Variants in SEMA6B observed in about 807,000 individuals in gnomAD.
The protein encoded by SEMA6B is semaphorin 6B, also known as semaphorin-6B.
A neutral mutation model predicts 78.6 loss-of-function variants in SEMA6B; 47 were observed. The observed-to-expected ratio is 0.60, with a 90% CI of 0.47 to 0.76. The LOEUF is 0.76. Ranked by LOEUF, SEMA6B falls within the 30% of genes least tolerant of loss-of-function variation. The pLI is 0.00. For missense variants in SEMA6B, 1,213 were observed against 1,269.9 expected (o/e 0.96, Z 0.68); for synonymous variants, 632 against 592.2 (o/e 1.07, Z -0.98).
chr19:4,544,639 A>T lies in SEMA6B; in HGVS notation c.1739-110T>A, dbSNP rs536586079. 1.7e-3 allele frequency: 1,001 copies of T among 590,108 alleles called. 5 individuals are homozygous for T. The highest frequency in any genetic ancestry group is 0.014 in the Middle Eastern group (27 of 1,924). 36.6% of individuals were successfully genotyped at this position (590,108 alleles called of 1,614,324 possible). A position where few individuals can be genotyped will look rare whatever the true frequency, so the allele number is the denominator to read the frequency against. On this transcript the variant is annotated intron_variant, in intron 16 of 16. Coordinates refer to ENST00000586582, the MANE Select transcript of SEMA6B (RefSeq NM_032108.4). This position sits in a 1 kb window ranked among gnomAD's most constrained non-coding sequence, Gnocchi z 5.1. Reference sequence around the variant, plus strand: ...TTTTTTATTATTTTTATTTTTTTTTATTTATTTATTTTTTGAGAAGGAGTC... The same window carrying T: ...TTTTTTATTATTTTTATTTTTTTTTTTTTATTTATTTTTTGAGAAGGAGTC...
rs775281392 is a variant in SEMA6B, at chr19:4,550,286, G to C, written c.1122-14C>G. The stretch of plus-strand genomic sequence containing the variant: ...CAGCACCCGGGCCTGGGGGTGACAA[G>C]GGTGTGGTCAGGACGAACGTAAAGG... On this transcript the variant is annotated splice_polypyrimidine_tract_variant and intron_variant, in intron 11 of 16. Coordinates refer to ENST00000586582, the MANE Select transcript of SEMA6B (RefSeq NM_032108.4). The surrounding 1 kb of genome is among the most constrained non-coding windows in gnomAD (Gnocchi z 6.6). 2.5e-6 allele frequency: 4 copies of C among 1,613,500 alleles called. No individual in the cohort carries two copies. The highest frequency in any genetic ancestry group is 3.4e-6 in the Non-Finnish European group (4 of 1,179,944).
intron 14 of SEMA6B, 100 bp from the exon 15 acceptor site, chr19:4,546,569 TTTA>T (rs956094794): frequency 4.2e-6 from 2 of 475,164 alleles, no homozygotes; most frequent in Non-Finnish European, 6.6e-6. Flanking sequence ...CACCTGCCTC[TTTA>T]TTTTTATTTT....
chr19:4,542,933 C>CAA lies in SEMA6B; in HGVS notation c.*667_*668insTT. 1 of 700,928 alleles carries CAA rather than the reference C, an allele frequency of 1.4e-6. No homozygotes were observed. The highest frequency in any genetic ancestry group is 2.0e-5 in the Admixed American group (1 of 49,990). The allele number at this position is 700,928 out of a possible 1,614,324, so 43.4% of individuals were successfully genotyped here. On this transcript the variant is annotated 3_prime_UTR_variant, in exon 17 of 17. Coordinates refer to ENST00000586582, the MANE Select transcript of SEMA6B (RefSeq NM_032108.4). ...GGGGGTTCAAACTCCTAACCGGCAC[C>CAA]TCGGAGACCCCCGGGCCTTCTGGAA...
chr19:4,550,800 G>A lies in SEMA6B; in HGVS notation c.1120C>T (p.Arg374Trp), dbSNP rs149379013. 1,966 of 1,613,138 alleles carry A rather than the reference G, an allele frequency of 1.2e-3. 3 individuals carry two copies. The highest frequency in any genetic ancestry group is 1.5e-3 in the Non-Finnish European group (1,804 of 1,179,974). The change falls in exon 11 of 17, where the codon CGG becomes TGG. Residue 374 changes from arginine to tryptophan, a missense_variant and splice_region_variant. Coordinates refer to ENST00000586582, the MANE Select transcript of SEMA6B (RefSeq NM_032108.4). This position sits in a 1 kb window ranked among gnomAD's most constrained non-coding sequence, Gnocchi z 6.6. ...PVPEDQVPRP[R>W]PGCCAAPGMQ... ...ACTCAGGATGGAGGGGGTTCTCACC[G>A]GGGTCGAGGCACCTGATCCTCCGGC... is the stretch of plus-strand genomic sequence containing the variant.
rs1375574783 is a variant in SEMA6B, at chr19:4,544,395, G to A, written c.1873C>T (p.Arg625Cys). ...GFSVGWFVGL[R>C]ERRELARRKD... is the part of the protein sequence containing the mutation. ...CGCCGGGCCAGCTCCCGCCGCTCAC[G>A]GAGGCCCACGAACCAGCCCACGCTG... Residue 625 changes from arginine (R) to cysteine (C), a missense_variant, in exon 17 of 17, where the codon CGT becomes TGT. Coordinates refer to ENST00000586582, the MANE Select transcript of SEMA6B (RefSeq NM_032108.4). This position sits in a 1 kb window ranked among gnomAD's most constrained non-coding sequence, Gnocchi z 5.1. The A allele has an allele frequency of 6.3e-7, 1 of 1,599,752 alleles. No homozygotes were observed. The highest frequency in any genetic ancestry group is 8.5e-7 in the Non-Finnish European group (1 of 1,174,698).
Position 4,542,956 on chromosome 19 carries a change from G to C in SEMA6B, c.*645C>G. 1.4e-6 allele frequency: 1 copy of C among 700,508 alleles called. No individual in the cohort carries two copies. The highest frequency in any genetic ancestry group is 2.6e-6 in the Non-Finnish European group (1 of 384,662). The allele number at this position is 700,508 out of a possible 1,614,324, so 43.4% of individuals were successfully genotyped here. A position where few individuals can be genotyped will look rare whatever the true frequency, so the allele number is the denominator to read the frequency against. ...ACCTCGGAGACCCCCGGGCCTTCTG[G>C]AAGCCCCAGCGTCGGCTCAGCCAAC... On this transcript the variant is annotated 3_prime_UTR_variant, in exon 17 of 17. Transcript: ENST00000586582.
At position 4,546,202 on chromosome 19, in the gene SEMA6B, TC is replaced by T. The variant is rs771502699; in HGVS notation, c.1738+13del. On this transcript the variant is annotated intron_variant, in intron 16 of 16. Transcript: ENST00000586582. ...GGGGGATGGGGGTCTTAGCCTGCCG[TC>T]CCCCCAACTCACCTGTGCAGTCCCC... The T allele has an allele frequency of 2.5e-6, 4 of 1,594,596 alleles. 1 individual carries two copies. Among genetic ancestry groups the T allele is most frequent in the East Asian group, 4.5e-5 (2 of 44,390 alleles).
At chr19:4,545,340 CA>C (rs552554036) in intron 16 of SEMA6B, among the ~76,000 whole-genome samples, 75 of 113,928 alleles carry the variant, frequency 6.6e-4, no homozygotes, top group Admixed American at 9.6e-4. Flanking sequence ...GACTCTGTCT[CA>C]AAAAAAAAAA....
chr19:4,557,145 C>T lies in SEMA6B; in HGVS notation c.306+18G>A, dbSNP rs757691888. ...CCCTGGCCCTACCCCTCCACTCCCA[C>T]CTGCACCCCTTCCTCACCCTCTGGT... is the stretch of plus-strand genomic sequence containing the variant. On this transcript the variant is annotated intron_variant, in intron 4 of 16. Coordinates refer to ENST00000586582, the MANE Select transcript of SEMA6B (RefSeq NM_032108.4). 6 of 1,608,956 alleles carry T rather than the reference C, an allele frequency of 3.7e-6. No homozygotes were observed. The highest frequency in any genetic ancestry group is 8.5e-7 in the Non-Finnish European group (1 of 1,176,082).
In SEMA6B at chr19:4,555,206, C is replaced by T; in HGVS notation, c.563-111G>A. ...CTGAGTCCTGAGCCTAGGGGAGCCC[C>T]TGTCTCCAGGCTGAGCCCTGATCCC... On this transcript the variant is annotated intron_variant, in intron 7 of 16. Coordinates refer to ENST00000586582, the MANE Select transcript of SEMA6B (RefSeq NM_032108.4). The surrounding 1 kb of genome is among the most constrained non-coding windows in gnomAD (Gnocchi z 6.1). 2 of 1,206,012 alleles carry T rather than the reference C, an allele frequency of 1.7e-6. No individual in the cohort carries two copies. Among genetic ancestry groups the T allele is most frequent in the Non-Finnish European group, 2.3e-6 (2 of 853,396 alleles). The allele number at this position is 1,206,012 out of a possible 1,614,324, so 74.7% of individuals were successfully genotyped here.
chr19:4,559,229 A>T (rs1977555359), intron 1 of SEMA6B, among the ~76,000 whole-genome samples: 2 of 150,686 alleles, frequency 1.3e-5, no homozygotes, highest in South Asian at 2.1e-4. Context: ...TGGGAATGAC[A>T]GTACTACATA....
chr19:4,559,274 G>T (rs1431596157), intron 1 of SEMA6B, among the ~76,000 whole-genome samples: 1 of 151,328 alleles, frequency 6.6e-6, no homozygotes, highest in East Asian at 1.9e-4. Context: ...CATGCCAAGG[G>T]CCTCTGTGAC....
intron 10 of SEMA6B, among the ~76,000 whole-genome samples, chr19:4,551,467 T>C (rs920260760): frequency 6.6e-6 from 1 of 151,318 alleles, no homozygotes; most frequent in Non-Finnish European, 1.5e-5. Flanking sequence ...TGATCTGCCC[T>C]CCTCAGCCTC....
chr19:4,543,198 G>C lies in SEMA6B; in HGVS notation c.*403C>G. On this transcript the variant is annotated 3_prime_UTR_variant, in exon 17 of 17. Transcript: ENST00000586582. ...GGGACCTTTCCAGGGGTGGGGGAGG[G>C]CTTAGGTCTGCAGCTGTGGCCCCCC... 1 of 579,924 alleles carries C rather than the reference G, an allele frequency of 1.7e-6. No homozygotes were observed. The highest frequency in any genetic ancestry group is 2.1e-5 in the South Asian group (1 of 46,860). The allele number at this position is 579,924 out of a possible 1,614,324, so 35.9% of individuals were successfully genotyped here. A position where few individuals can be genotyped will look rare whatever the true frequency, so the allele number is the denominator to read the frequency against.
At position 4,548,038 on chromosome 19, in the gene SEMA6B, C is replaced by G; in HGVS notation, c.1590G>C (p.Ser530=). 1.3e-6 allele frequency: 2 copies of G among 1,564,000 alleles called. No individual in the cohort carries two copies. The highest frequency in any genetic ancestry group is 8.6e-7 in the Non-Finnish European group (1 of 1,158,198). Residue 530 remains serine, a synonymous_variant, in exon 14 of 17, where the codon TCG becomes TCC. Transcript: ENST00000586582. ...RVPVARCQQY[S]GCMKNCIGSQ... ...GGGTGGACACTCACTTCATACACCC[C>G]GAGTACTGCTGGCAGCGAGCCACAG...
Position 4,543,731 on chromosome 19 carries a change from G to A in SEMA6B, c.2537C>T (p.Thr846Ile). The A allele has an allele frequency of 8.1e-7, 1 of 1,228,350 alleles. No homozygotes were observed. The highest frequency in any genetic ancestry group is 3.2e-5 in the East Asian group (1 of 31,474). 76.1% of individuals were successfully genotyped at this position (1,228,350 alleles called of 1,614,324 possible). Residue 846 changes from threonine (T) to isoleucine (I), a missense_variant, in exon 17 of 17, where the codon ACC becomes ATC. By Grantham distance (89) the Thr-to-Ile change is moderately conservative (BLOSUM62 -1). Transcript: ENST00000586582. The stretch of plus-strand genomic sequence containing the variant: ...GGCCTCGCCGCTGTTGAACGTGTGG[G>A]TGCGGCGCAGGGTGGCGGCCGGAGG... ...HAPPAATLRR[T>I]HTFNSGEARP...
intron 9 of SEMA6B, 114 bp downstream of exon 9, chr19:4,554,274 G>A (rs1398037825): frequency 2.4e-6 from 2 of 825,806 alleles, no homozygotes; most frequent in Non-Finnish European, 4.0e-6. Context: ...CTGGGGACCA[G>A]AAATGGAGGG....
chr19:4,557,723 A>G (rs1049197371), intron 3 of SEMA6B, among the ~76,000 whole-genome samples: 2 of 152,028 alleles, frequency 1.3e-5, no homozygotes, highest in Non-Finnish European at 2.9e-5. Context: ...TCCAGCCTCA[A>G]TCATAGCCAG....
Position 4,544,260 on chromosome 19 carries a change from C to T in SEMA6B, c.2008G>A (p.Gly670Ser). 1 of 1,285,288 alleles carries T rather than the reference C, an allele frequency of 7.8e-7. No homozygotes were observed. Among genetic ancestry groups the T allele is most frequent in the Non-Finnish European group, 9.8e-7 (1 of 1,020,096 alleles). 79.6% of individuals were successfully genotyped at this position (1,285,288 alleles called of 1,614,324 possible). The change falls in exon 17 of 17, where the codon GGC (glycine) becomes AGC (serine). Residue 670 changes from glycine (G) to serine (S), a missense_variant. By Grantham distance (56) the Gly-to-Ser change is moderately conservative. Transcript: ENST00000586582. The surrounding 1 kb of genome is among the most constrained non-coding windows in gnomAD (Gnocchi z 5.1). Reference protein sequence around the residue: ...QGPGGRGGGGGGGAGVPPEAL... With the variant: ...QGPGGRGGGGSGGAGVPPEAL... The stretch of plus-strand genomic sequence containing the variant: ...TCCGGGGGAACCCCGGCGCCACCGC[C>T]ACCGCCTCCGCCCCGGCCCCCGGGA...
Sources: gnomAD v4.1 joint callset for allele counts (sites outside exome capture counted in the v4.1 genomes callset) on GRCh38, gnomAD v4.1.1 for gene constraint, Gnocchi (gnomAD v3.1) non-coding constraint, MANE v1.5 for transcripts, NCBI Gene and HGNC (gene_info 2026-07-23, HGNC 2026-07-21) for gene names.